PACRGL: variants seen among roughly 807,000 people sequenced by gnomAD.
PACRGL encodes PACRG-like protein.
Under a neutral mutation model 34.5 loss-of-function variants are expected in PACRGL, and 38 were observed. The observed-to-expected ratio is 1.10, with a 90% confidence interval of 0.85 to 1.44. PACRGL has a LOEUF of 1.44. Among genes scored for constraint, PACRGL ranks in the 40% most tolerant of loss-of-function variants. The probability of loss-of-function intolerance (pLI) is 0.00; values close to 1 mark genes in which losing one functional copy is unlikely to be tolerated. For synonymous variants in PACRGL, 128 were observed against 100.1 expected (o/e 1.28, Z -1.66); for missense variants, 305 against 281.4 (o/e 1.08, Z -0.60).
intron 8 of PACRGL, among the ~76,000 whole-genome samples, chr4:20,738,595 G>T (rs574867649): frequency 2.0e-5 from 3 of 152,304 alleles, no homozygotes; most frequent in East Asian, 3.9e-4. Context: ...AACAATGAAA[G>T]ATTTAAAGAT....
At chr4:20,705,220 TGTA>T (rs993403967) in intron 3 of PACRGL, among the ~76,000 whole-genome samples, 2 of 152,176 alleles carry the variant, frequency 1.3e-5, no homozygotes, top group Admixed American at 1.3e-4. Context: ...AAATCCTAGT[TGTA>T]GTACTAACCT....
intron 7 of PACRGL, among the ~76,000 whole-genome samples, chr4:20,716,564 A>G (rs1740129682): frequency 6.6e-6 from 1 of 152,126 alleles, no homozygotes; most frequent in South Asian, 2.1e-4. Context: ...ATTCCCACCT[A>G]TGAGTGAGAA....
the PACRGL span, among the ~76,000 whole-genome samples, chr4:20,759,364 A>G: frequency 6.6e-6 from 1 of 152,180 alleles, no homozygotes; most frequent in South Asian, 2.1e-4. Context: ...AATAGATACT[A>G]ATGCTTGTTA....
chr4:20,764,910 TAAAC>T, the PACRGL span, among the ~76,000 whole-genome samples: 2 of 151,990 alleles, frequency 1.3e-5, no homozygotes, highest in African/African-American at 4.8e-5. Context: ...GAGGATAAAA[TAAAC>T]AACTCCATTC....
chr4:20,706,599 C>T (rs566843934), intron 3 of PACRGL, among the ~76,000 whole-genome samples: 114 of 149,564 alleles, frequency 7.6e-4, no homozygotes, highest in African/African-American at 2.7e-3. Context: ...TTTTTTGAGA[C>T]GGAATCTCGC....
downstream of PACRGL, among the ~76,000 whole-genome samples, chr4:20,736,665 C>A (rs191281489): frequency 3.3e-5 from 5 of 152,094 alleles, no homozygotes; most frequent in African/African-American, 1.2e-4. Flanking sequence ...TTTTCTTGAA[C>A]TTGAGAATAT....
rs768439037 is a variant in PACRGL, at chr4:20,704,649, T to G, written c.53-11T>G. The G allele has an allele frequency of 6.2e-7, 1 of 1,613,892 alleles. No homozygotes were observed. Among genetic ancestry groups the G allele is most frequent in the Non-Finnish European group, 8.5e-7 (1 of 1,179,832 alleles). On this transcript the variant is annotated splice_polypyrimidine_tract_variant and intron_variant, in intron 2 of 8. Coordinates refer to ENST00000503585, the MANE Select transcript of PACRGL (RefSeq NM_001258345.3). ...GTACCTGGTTTCTATTGATGTTCTGTTTTTTTCCAGGTAACTATGATCAAA... is the reference window on the plus strand; with the variant it reads ...GTACCTGGTTTCTATTGATGTTCTGGTTTTTTCCAGGTAACTATGATCAAA...
chr4:20,724,851 C>A lies in PACRGL; in HGVS notation c.653C>A (p.Thr218Asn). 6.7e-7 allele frequency: 1 copy of A among 1,500,034 alleles called. No homozygotes were observed. Among genetic ancestry groups the A allele is most frequent in the Non-Finnish European group, 8.8e-7 (1 of 1,133,390 alleles). 92.9% of individuals were successfully genotyped at this position (1,500,034 alleles called of 1,614,324 possible). Residue 218 changes from threonine to asparagine, a missense_variant, in exon 8 of 9, where the codon ACC (threonine) becomes AAC (asparagine). Physicochemically the swap from Thr to Asn is moderately conservative, Grantham distance 65. Coordinates refer to ENST00000503585, the MANE Select transcript of PACRGL (RefSeq NM_001258345.3). ...LMDKKFKEPI[T>N]SALQKLEQHG... ...GACAAGAAATTCAAAGAGCCAATCA[C>A]CAGCGCATTACAAAAGCTAGAGCAA...
chr4:20,764,198 TAAAGA>T, the PACRGL span, among the ~76,000 whole-genome samples: 1 of 152,088 alleles, frequency 6.6e-6, no homozygotes, highest in Non-Finnish European at 1.5e-5. Flanking sequence ...AGAAAAAAAT[TAAAGA>T]AAATGAAAAT....
At chr4:20,712,686 A>G (rs988577827) in intron 5 of PACRGL, 102 bp from the exon 6 acceptor site, 7 of 1,043,436 alleles carry the variant, frequency 6.7e-6, no homozygotes, top group Non-Finnish European at 9.0e-6. Context: ...GAAAACAATA[A>G]TGAAATTTTT....
chr4:20,761,438 A>G, the PACRGL span, among the ~76,000 whole-genome samples: 3 of 152,182 alleles, frequency 2.0e-5, no homozygotes, highest in African/African-American at 4.8e-5. Context: ...GCTGACACCA[A>G]TGGACCCATT....
downstream of PACRGL, among the ~76,000 whole-genome samples, chr4:20,757,256 T>C (rs559823857): frequency 6.6e-6 from 1 of 152,254 alleles, no homozygotes; most frequent in South Asian, 2.1e-4. Flanking sequence ...CCACTTCTCA[T>C]TTTCTCCTAT....
intron 8 of PACRGL, among the ~76,000 whole-genome samples, chr4:20,747,533 G>C (rs1245503762): frequency 1.3e-5 from 2 of 152,108 alleles, no homozygotes; most frequent in Non-Finnish European, 2.9e-5. Flanking sequence ...TGGTACCCAG[G>C]ATAGTCTTCC....
Position 20,710,841 on chromosome 4 carries a change from C to T in PACRGL, c.366+1068C>T, listed in dbSNP as rs551294203. Among the ~76,000 whole-genome samples the T allele has an allele frequency of 1.3e-4, 20 of 152,120 alleles. No individual in the cohort carries two copies. In the South Asian group the frequency reaches 4.1e-3, roughly 32 times the overall value. ...TTTCTTAATTTATTGCCGAGTATTACAAGCAGTGTATTTTTATAGGTAGCC... is the reference window on the plus strand; with the variant it reads ...TTTCTTAATTTATTGCCGAGTATTATAAGCAGTGTATTTTTATAGGTAGCC... On this transcript the variant is annotated intron_variant, in intron 5 of 8. Transcript: ENST00000503585.
At chr4:20,724,968 A>G (rs1745010423) in intron 8 of PACRGL, 80 bp downstream of exon 8, 1 of 746,418 alleles carries the variant, frequency 1.3e-6, no homozygotes. Context: ...TATATTTAAC[A>G]TATACTATCT....
upstream of PACRGL, among the ~76,000 whole-genome samples, chr4:20,699,432 AT>A (rs1464767884): frequency 1.3e-5 from 2 of 152,212 alleles, no homozygotes; most frequent in Non-Finnish European, 2.9e-5. Flanking sequence ...TTATTAATTC[AT>A]TTTATTCATT....
Position 20,721,951 on chromosome 4 carries a change from C to T in PACRGL, c.610-2857C>T, listed in dbSNP as rs979409116. Among the ~76,000 whole-genome samples, 6 of 152,350 alleles carry T rather than the reference C, an allele frequency of 3.9e-5. No homozygotes were observed. In the South Asian group the frequency reaches 1.0e-3, roughly 26 times the overall value. ...GAGTCTACAGAGGCAGGCAGGCCTC[C>T]TTGAGCTGTGGTGGGCTCCACCCAG... On this transcript the variant is annotated intron_variant, in intron 7 of 8. Coordinates refer to ENST00000503585, the MANE Select transcript of PACRGL (RefSeq NM_001258345.3).
In PACRGL at chr4:20,714,638, A is replaced by C. The variant is rs535307778; in HGVS notation, c.609+1099A>C. Reference sequence around the variant, plus strand: ...GGCATGATTTTGCAGTGGCTGGTACAGGTTGTTCCTTTCCATGTTTAGTGC... The same window carrying C: ...GGCATGATTTTGCAGTGGCTGGTACCGGTTGTTCCTTTCCATGTTTAGTGC... On this transcript the variant is annotated intron_variant, in intron 7 of 8. Transcript: ENST00000503585. 1.3e-4 allele frequency among the ~76,000 whole-genome samples: 20 copies of C among 152,208 alleles called. No individual in the cohort carries two copies. In the South Asian group the frequency reaches 2.5e-3, roughly 19 times the overall value.
At chr4:20,711,972 A>T (rs186871796) in intron 5 of PACRGL, among the ~76,000 whole-genome samples, 15 of 152,266 alleles carry the variant, frequency 9.9e-5, no homozygotes, top group Admixed American at 7.8e-4. Context: ...GAACTTATTA[A>T]GTCATAAAAT....
Sources: allele counts gnomAD v4.1 joint callset (sites outside exome capture counted in the v4.1 genomes callset), GRCh38; gene constraint gnomAD v4.1.1; transcripts MANE v1.5; gene names NCBI Gene and HGNC (gene_info 2026-07-23, HGNC 2026-07-21).